The following LYN variants were observed in gnomAD, a reference collection of about 807,000 sequenced individuals.
LYN encodes the protein LYN proto-oncogene, Src family tyrosine kinase.
A neutral mutation model predicts 65.0 loss-of-function variants in LYN; 12 were observed. The observed-to-expected ratio is 0.18, with a 90% CI of 0.12 to 0.30. The LOEUF (loss-of-function observed/expected upper bound fraction) is 0.30. Among genes scored for constraint, LYN ranks in the 10% least tolerant of loss-of-function variants. The pLI, the probability that LYN is intolerant of heterozygous loss-of-function variation, is 1.00. For synonymous variants in LYN, 222 were observed against 221.2 expected, an observed-to-expected ratio of 1.00 and a Z score of -0.03; for missense variants, 380 against 623.2, an observed-to-expected ratio of 0.61 and a Z score of 4.16.
chr8:55,887,136 T>C (rs767804351), intron 1 of LYN, among the ~76,000 whole-genome samples: 1 of 152,244 alleles, frequency 6.6e-6, no homozygotes, highest in Non-Finnish European at 1.5e-5. Context: ...GTTACTAATA[T>C]GAAAAATTTT....
At chr8:55,925,613 G>A (rs982560689) in intron 1 of LYN, among the ~76,000 whole-genome samples, 1 of 152,070 alleles carries the variant, frequency 6.6e-6, no homozygotes, top group Admixed American at 6.6e-5. Context: ...ACAGCCATGC[G>A]GGGATGGGCG....
intron 4 of LYN, among the ~76,000 whole-genome samples, chr8:55,948,801 C>A (rs574060447): frequency 3.9e-5 from 6 of 152,262 alleles, no homozygotes; most frequent in Non-Finnish European, 8.8e-5. Context: ...AAACTTTATA[C>A]CTTGGTTTCT....
At chr8:56,009,867 A>G (rs1316776816) in intron 12 of LYN, 41 bp from the exon 13 acceptor site, 1 of 1,564,614 alleles carries the variant, frequency 6.4e-7, no homozygotes, top group Non-Finnish European at 8.8e-7. Context: ...AGGTTTCTAA[A>G]CGGCATGGGT....
At chr8:55,949,946 C>G (rs956557071) in intron 4 of LYN, among the ~76,000 whole-genome samples, 1 of 152,156 alleles carries the variant, frequency 6.6e-6, no homozygotes, top group Non-Finnish European at 1.5e-5. Flanking sequence ...CTCTGCAGCC[C>G]TAGGAAACCA....
At chr8:55,894,433 A>G (rs1482021501) in intron 1 of LYN, among the ~76,000 whole-genome samples, 3 of 150,516 alleles carry the variant, frequency 2.0e-5, no homozygotes, top group Non-Finnish European at 2.9e-5. Flanking sequence ...GCAGTGGCTC[A>G]ATCTTGGCTC....
intron 10 of LYN, among the ~76,000 whole-genome samples, chr8:55,977,306 C>T (rs1162030959): frequency 6.6e-6 from 1 of 152,194 alleles, no homozygotes; most frequent in East Asian, 1.9e-4. Flanking sequence ...AATGCTTATA[C>T]TCAGCAAATA....
At chr8:55,964,643 G>T (rs1039108340) in intron 8 of LYN, among the ~76,000 whole-genome samples, 2 of 152,218 alleles carry the variant, frequency 1.3e-5, no homozygotes, top group African/African-American at 4.8e-5. Context: ...AAGGTGAGCA[G>T]ATCAGCTGAG....
intron 1 of LYN, among the ~76,000 whole-genome samples, chr8:55,911,470 A>T: frequency 6.6e-6 from 1 of 150,666 alleles, no homozygotes; most frequent in Non-Finnish European, 1.5e-5. Flanking sequence ...ACAATGAAAT[A>T]CTCAAGGAAT....
chr8:55,945,340 G>C (rs1806741514), intron 2 of LYN, among the ~76,000 whole-genome samples: 1 of 152,134 alleles, frequency 6.6e-6, no homozygotes, highest in Admixed American at 6.5e-5. Flanking sequence ...ACATAAAATA[G>C]ATCATATATC....
At chr8:55,917,240 C>T (rs1200425955) in intron 1 of LYN, among the ~76,000 whole-genome samples, 1 of 151,632 alleles carries the variant, frequency 6.6e-6, no homozygotes, top group South Asian at 2.1e-4. Flanking sequence ...GGCTGGAGTG[C>T]AGTGGTGTGA....
At chr8:55,954,079 C>A (rs767713659) in intron 8 of LYN, 95 bp downstream of exon 8, 249 of 1,318,530 alleles carry the variant, frequency 1.9e-4, no homozygotes, top group Non-Finnish European at 2.5e-4. Context: ...GAGCCAGACA[C>A]TAAATTATGT....
chr8:55,992,898 A>G (rs754795794), intron 10 of LYN, among the ~76,000 whole-genome samples: 2 of 152,136 alleles, frequency 1.3e-5, no homozygotes, highest in East Asian at 1.9e-4. Flanking sequence ...TCATGACCCA[A>G]TCACCTCCTA....
At position 56,010,129 on chromosome 8, in the gene LYN, C is replaced by A. The variant is rs770932618; in HGVS notation, c.*19C>A. 1 of 1,613,078 alleles carries A rather than the reference C, an allele frequency of 6.2e-7. No individual in the cohort carries two copies. Among genetic ancestry groups the A allele is most frequent in the East Asian group, 2.2e-5 (1 of 44,870 alleles). On this transcript the variant is annotated 3_prime_UTR_variant, in exon 13 of 13. Transcript: ENST00000519728. ...GCCTTAGAGCACAGGGAGACCCGTC[C>A]ATTTGGCAGGGGTGGCTGCCTCATT... is the stretch of plus-strand genomic sequence containing the variant.
At chr8:55,907,552 T>C (rs60165767) in intron 1 of LYN, among the ~76,000 whole-genome samples, 4,275 of 152,200 alleles carry the variant, frequency 0.028, 122 homozygotes, top group African/African-American at 0.072. Flanking sequence ...CCTTTCATTG[T>C]AGGTGCTTTT....
intron 1 of LYN, among the ~76,000 whole-genome samples, chr8:55,899,686 G>A (rs1805207513): frequency 6.6e-6 from 1 of 152,156 alleles, no homozygotes; most frequent in South Asian, 2.1e-4. Context: ...GTCTTACACA[G>A]TTACCCAGGC....
intron 1 of LYN, among the ~76,000 whole-genome samples, chr8:55,900,479 C>T (rs1245348373): frequency 2.0e-5 from 3 of 151,646 alleles, no homozygotes; most frequent in Non-Finnish European, 2.9e-5. Flanking sequence ...CTCAAGTGGT[C>T]CTCCTGCCTC....
intron 4 of LYN, among the ~76,000 whole-genome samples, chr8:55,949,804 A>G (rs1436231287): frequency 6.6e-6 from 1 of 152,194 alleles, no homozygotes; most frequent in Non-Finnish European, 1.5e-5. Context: ...ATCTACTTAA[A>G]GTGTACAATT....
intron 10 of LYN, among the ~76,000 whole-genome samples, chr8:55,994,564 C>A (rs1043349971): frequency 6.6e-6 from 1 of 152,114 alleles, no homozygotes; most frequent in Non-Finnish European, 1.5e-5. Flanking sequence ...TCACGTGTGT[C>A]CTTGCTGCTG....
chr8:55,899,139 T>C (rs938479099), intron 1 of LYN, among the ~76,000 whole-genome samples: 2 of 152,256 alleles, frequency 1.3e-5, no homozygotes, highest in Non-Finnish European at 2.9e-5. Flanking sequence ...TGTTTTACTT[T>C]TGTATCAGGC....
Sources: gnomAD v4.1 joint callset for allele counts (sites outside exome capture counted in the v4.1 genomes callset) on GRCh38, gnomAD v4.1.1 for gene constraint, MANE v1.5 for transcripts, NCBI Gene and HGNC (gene_info 2026-07-23, HGNC 2026-07-21) for gene names.